Variants in RPTOR observed in about 807,000 individuals in gnomAD.
RPTOR encodes the protein regulatory-associated protein of mTOR.
RPTOR carries 21 observed loss-of-function variants against 169.9 expected under a neutral mutation model. The observed-to-expected ratio is 0.12, with a 90% CI of 0.09 to 0.18. RPTOR has a LOEUF of 0.18. RPTOR is among the 10% of genes least tolerant of loss of function. The pLI is 1.00. For synonymous variants in RPTOR, 732 were observed against 753.2 expected, an observed-to-expected ratio of 0.97 and a Z score of 0.46; for missense variants, 1,133 against 1,855.9, an observed-to-expected ratio of 0.61 and a Z score of 7.16.
intron 3 of RPTOR, among the ~76,000 whole-genome samples, chr17:80,671,259 G>C (rs2065819730): frequency 6.6e-6 from 1 of 152,112 alleles, no homozygotes; most frequent in African/African-American, 2.4e-5. Context: ...CTTTCCTCCA[G>C]GCTCGGCACA....
At chr17:80,727,083 C>T (rs764014504) in intron 4 of RPTOR, among the ~76,000 whole-genome samples, 3 of 151,878 alleles carry the variant, frequency 2.0e-5, no homozygotes, top group African/African-American at 7.3e-5. Context: ...GCTCCGAGAA[C>T]GTGGACGCTG....
chr17:80,799,145 A>G (rs1190816727), intron 7 of RPTOR, among the ~76,000 whole-genome samples: 2 of 152,254 alleles, frequency 1.3e-5, no homozygotes, highest in Non-Finnish European at 2.9e-5. Flanking sequence ...CTGATCTTGG[A>G]TCCAGGTTAA....
chr17:80,939,681 C>T (rs1025707328), intron 24 of RPTOR, among the ~76,000 whole-genome samples: 6 of 152,228 alleles, frequency 3.9e-5, no homozygotes, highest in Non-Finnish European at 5.9e-5. Context: ...GGCTGTCTTC[C>T]TTCTGTCTCG....
chr17:80,861,993 C>G lies in RPTOR; in HGVS notation c.1509+4093C>G, dbSNP rs931407028. Among the ~76,000 whole-genome samples the G allele has an allele frequency of 6.6e-6, 1 of 152,146 alleles. No homozygotes were observed. The highest frequency in any genetic ancestry group is 1.5e-5 in the Non-Finnish European group (1 of 68,012). ...TGGATCTCCCAGGGCCTGTTGCTCT[C>G]GAGTGCCCCAAATGGCAGAACGTGG... On this transcript the variant is annotated intron_variant, in intron 13 of 33. Coordinates refer to ENST00000306801, the MANE Select transcript of RPTOR (RefSeq NM_020761.3). The surrounding 1 kb of genome is among the most constrained non-coding windows in gnomAD (Gnocchi z 4.5).
At chr17:80,640,661 A>G (rs2065546251) in intron 2 of RPTOR, among the ~76,000 whole-genome samples, 1 of 152,194 alleles carries the variant, frequency 6.6e-6, no homozygotes, top group Admixed American at 6.5e-5. Context: ...GAGGGCCGCC[A>G]TGTCTCTGCA....
rs757866049 is a variant in RPTOR, at chr17:80,962,995, T to C, written c.3877T>C (p.Tyr1293His). 3 of 1,612,688 alleles carry C rather than the reference T, an allele frequency of 1.9e-6. No homozygotes were observed. The highest frequency in any genetic ancestry group is 2.5e-6 in the Non-Finnish European group (3 of 1,179,732). ...AGAGCTCATCAACAACATCAAGTACTACGACGGCTTCATGGGCCAGCGGGT... is the reference window on the plus strand; with the variant it reads ...AGAGCTCATCAACAACATCAAGTACCACGACGGCTTCATGGGCCAGCGGGT... ...SGELINNIKY[Y>H]DGFMGQRVGA... Residue 1293 changes from tyrosine (Y) to histidine (H), a missense_variant, in exon 33 of 34, where the codon TAC (tyrosine) becomes CAC (histidine). By Grantham distance (83) the Tyr-to-His change is moderately conservative. Around this residue, in one of 9 missense-constraint regions of RPTOR, gnomAD observed 410 missense variants for 623.7 expected, o/e 0.66. Coordinates refer to ENST00000306801, the MANE Select transcript of RPTOR (RefSeq NM_020761.3).
At chr17:80,744,423 A>G (rs1281325619) in intron 5 of RPTOR, among the ~76,000 whole-genome samples, 1 of 101,814 alleles carries the variant, frequency 9.8e-6, no homozygotes, top group Non-Finnish European at 2.0e-5. Flanking sequence ...AGCCCTGGCT[A>G]CTAGCACAGC....
chr17:80,818,433 C>T (rs2067345822), intron 7 of RPTOR, among the ~76,000 whole-genome samples: 1 of 152,168 alleles, frequency 6.6e-6, no homozygotes, highest in Non-Finnish European at 1.5e-5. Context: ...CTTCTGTGGT[C>T]CCCTCGTGAT....
At chr17:80,889,533 A>AG (rs954834875) in intron 17 of RPTOR, among the ~76,000 whole-genome samples, 3 of 152,170 alleles carry the variant, frequency 2.0e-5, no homozygotes, top group Non-Finnish European at 4.4e-5. Context: ...CTCAGGGGGA[A>AG]GGGGTCACAT....
intron 33 of RPTOR, 60 bp from the exon 34 acceptor site, chr17:80,964,202 C>CCCCCCCCCCACT: frequency 8.2e-7 from 1 of 1,224,850 alleles, no homozygotes; most frequent in Non-Finnish European, 1.2e-6. Context: ...TGCGCCCCCC[C>CCCCCCCCCCACT]GCCCCCCGCA....
At chr17:80,599,270 T>A (rs2065168525) in intron 1 of RPTOR, among the ~76,000 whole-genome samples, 1 of 152,156 alleles carries the variant, frequency 6.6e-6, no homozygotes. Context: ...CACCATGCAG[T>A]GATTCCAGCC....
intron 2 of RPTOR, among the ~76,000 whole-genome samples, chr17:80,643,514 A>T (rs1302698392): frequency 1.3e-5 from 2 of 152,212 alleles, no homozygotes; most frequent in African/African-American, 4.8e-5. Flanking sequence ...CTTGCCCGTG[A>T]TGTTAAAACA....
chr17:80,957,965 G>A lies in RPTOR; in HGVS notation c.3477+235G>A, dbSNP rs761624044. 1.3e-5 allele frequency among the ~76,000 whole-genome samples: 2 copies of A among 152,208 alleles called. No homozygotes were observed. The highest frequency in any genetic ancestry group is 4.1e-4 in the South Asian group (2 of 4,830). On this transcript the variant is annotated intron_variant, in intron 29 of 33. Coordinates refer to ENST00000306801, the MANE Select transcript of RPTOR (RefSeq NM_020761.3). The surrounding 1 kb of genome is among the most constrained non-coding windows in gnomAD (Gnocchi z 4.6). ...TGCGCTGCAGTATGGCTCAGGCTGC[G>A]CCAGCTCTGAGTGTTTGCAAGTAGT... is the stretch of plus-strand genomic sequence containing the variant.
rs139448615 is a variant in RPTOR at position 80,628,344 on chromosome 17, G to A, written c.265+2551G>A. Among the ~76,000 whole-genome samples, 452 of 152,106 alleles carry A rather than the reference G, an allele frequency of 3.0e-3. 2 individuals carry two copies. The highest frequency in any genetic ancestry group is 1.0e-2 in the African/African-American group (414 of 41,484). The stretch of plus-strand genomic sequence containing the variant: ...CATATCTTGCAGTGCTGGTCTGTAG[G>A]CATTAAATTTTCCTAGATTTCTGTT... On this transcript the variant is annotated intron_variant, in intron 2 of 33. Transcript: ENST00000306801.
intron 13 of RPTOR, among the ~76,000 whole-genome samples, chr17:80,863,685 C>T (rs1309550667): frequency 1.3e-5 from 2 of 152,206 alleles, no homozygotes; most frequent in Non-Finnish European, 2.9e-5. Context: ...GAGGCTGAGG[C>T]AGACAGATCA....
At chr17:80,919,673 C>G (rs1439473659) in intron 21 of RPTOR, among the ~76,000 whole-genome samples, 1 of 152,242 alleles carries the variant, frequency 6.6e-6, no homozygotes, top group African/African-American at 2.4e-5. Context: ...AAGACACCTG[C>G]ACCTCCATCT....
intron 4 of RPTOR, among the ~76,000 whole-genome samples, chr17:80,720,423 T>G (rs1598254676): frequency 6.6e-6 from 1 of 152,258 alleles, no homozygotes; most frequent in African/African-American, 2.4e-5. Flanking sequence ...TTATTCGTCT[T>G]GAGAATCTAG....
intron 1 of RPTOR, among the ~76,000 whole-genome samples, chr17:80,585,208 G>GTT (rs1251210212): frequency 5.0e-5 from 6 of 120,676 alleles, no homozygotes; most frequent in Admixed American, 1.6e-4. Context: ...TATTATTTTT[G>GTT]TTTTTTTTTT....
At chr17:80,743,498 C>T (rs543898866) in intron 5 of RPTOR, 48 of 973,154 alleles carry the variant, frequency 4.9e-5, no homozygotes, top group East Asian at 2.3e-4. Context: ...TCCAGCAGCG[C>T]GTTCGGAGTG....
Sources: allele counts gnomAD v4.1 joint callset (sites outside exome capture counted in the v4.1 genomes callset), GRCh38; gene constraint gnomAD v4.1.1; regional missense constraint gnomAD v4.1.1; non-coding constraint Gnocchi (gnomAD v3.1); transcripts MANE v1.5; gene names NCBI Gene and HGNC (gene_info 2026-07-23, HGNC 2026-07-21).